GPATCH2: variants seen among roughly 807,000 people sequenced by gnomAD.
GPATCH2 encodes G-patch domain containing 2.
A neutral mutation model predicts 58.0 loss-of-function variants in GPATCH2; 51 were observed. That is an observed-to-expected ratio of 0.88 (90% CI 0.70 to 1.11). GPATCH2 has a LOEUF of 1.11. Ranked by LOEUF, GPATCH2 falls within the 50% of genes most tolerant of loss-of-function variation. The probability of loss-of-function intolerance (pLI) is 0.00; values close to 1 mark genes in which losing one functional copy is unlikely to be tolerated. For missense variants in GPATCH2, 625 were observed against 652.2 expected, an observed-to-expected ratio of 0.96 and a Z score of 0.45; for synonymous variants, 222 against 218.5, an observed-to-expected ratio of 1.02 and a Z score of -0.14.
intron 5 of GPATCH2, among the ~76,000 whole-genome samples, chr1:217,556,141 T>C (rs1208868862): frequency 6.6e-6 from 1 of 152,202 alleles, no homozygotes; most frequent in African/African-American, 2.4e-5. Flanking sequence ...AAAAAATACA[T>C]AAGAAAATCC....
intron 8 of GPATCH2, among the ~76,000 whole-genome samples, chr1:217,477,231 T>C (rs2102511709): frequency 6.6e-6 from 1 of 152,220 alleles, no homozygotes; most frequent in African/African-American, 2.4e-5. Flanking sequence ...CAAGCAGCGA[T>C]ACCTAGGTAC....
chr1:217,625,818 AC>A (rs1217477801), intron 1 of GPATCH2, among the ~76,000 whole-genome samples: 8 of 152,114 alleles, frequency 5.3e-5, no homozygotes, highest in East Asian at 3.9e-4. Flanking sequence ...CTCCATCTCT[AC>A]TAAAAAATAC....
chr1:217,528,072 G>A (rs542561023), intron 5 of GPATCH2, among the ~76,000 whole-genome samples: 3 of 152,284 alleles, frequency 2.0e-5, no homozygotes, highest in African/African-American at 7.2e-5. Context: ...AGGGGTGACT[G>A]TATGCATAAA....
At chr1:217,524,826 G>C (rs972566154) in intron 5 of GPATCH2, among the ~76,000 whole-genome samples, 3 of 113,866 alleles carry the variant, frequency 2.6e-5, no homozygotes, top group African/African-American at 6.2e-5. Flanking sequence ...GTCCAGCTTC[G>C]GCTTGGCATC....
At chr1:217,630,846 G>A (rs1669719417) in intron 1 of GPATCH2, 70 bp downstream of exon 1, 1 of 1,134,338 alleles carries the variant, frequency 8.8e-7, no homozygotes, top group Non-Finnish European at 1.3e-6. Flanking sequence ...TCCATTCCAG[G>A]TCCAGCGGAG....
intron 5 of GPATCH2, among the ~76,000 whole-genome samples, chr1:217,580,519 T>C (rs1558500723): frequency 6.6e-6 from 1 of 152,212 alleles, no homozygotes; most frequent in African/African-American, 2.4e-5. Context: ...TTTTCCCCGT[T>C]ATCTCAAAAT....
At chr1:217,570,639 A>G (rs1308639615) in intron 5 of GPATCH2, among the ~76,000 whole-genome samples, 1 of 152,208 alleles carries the variant, frequency 6.6e-6, no homozygotes, top group Admixed American at 6.5e-5. Flanking sequence ...AGACACCAAC[A>G]AACTAATAAC....
chr1:217,590,556 C>T (rs945470542), intron 5 of GPATCH2, among the ~76,000 whole-genome samples: 3 of 152,186 alleles, frequency 2.0e-5, no homozygotes, highest in African/African-American at 7.2e-5. Flanking sequence ...ATGATATACA[C>T]AAGGGAGGAG....
chr1:217,593,697 G>T (rs1169359812), intron 5 of GPATCH2, among the ~76,000 whole-genome samples: 2 of 151,950 alleles, frequency 1.3e-5, no homozygotes, highest in Middle Eastern at 6.3e-3. Context: ...TTCAAGAGTG[G>T]TAATCCATCA....
intron 8 of GPATCH2, among the ~76,000 whole-genome samples, chr1:217,480,002 A>G (rs1661144794): frequency 6.6e-6 from 1 of 152,168 alleles, no homozygotes; most frequent in African/African-American, 2.4e-5. Context: ...GAGGACCCAG[A>G]TATATAAAGC....
At chr1:217,617,156 A>T (rs1490656175) in intron 2 of GPATCH2, among the ~76,000 whole-genome samples, 1 of 152,240 alleles carries the variant, frequency 6.6e-6, no homozygotes, top group Non-Finnish European at 1.5e-5. Context: ...TATTTACCAT[A>T]GCAGATAGAC....
intron 5 of GPATCH2, among the ~76,000 whole-genome samples, chr1:217,594,104 A>G (rs1667711636): frequency 6.6e-6 from 1 of 152,128 alleles, no homozygotes; most frequent in African/African-American, 2.4e-5. Flanking sequence ...GTACGTGGCT[A>G]AGTGCTCCAT....
At chr1:217,453,531 T>C (rs1659774246) in intron 8 of GPATCH2, among the ~76,000 whole-genome samples, 2 of 152,262 alleles carry the variant, frequency 1.3e-5, no homozygotes, top group South Asian at 4.1e-4. Flanking sequence ...GAAGTCTTTT[T>C]GTTTTATTTT....
intron 5 of GPATCH2, among the ~76,000 whole-genome samples, chr1:217,544,182 G>A (rs1392341675): frequency 6.6e-6 from 1 of 152,142 alleles, no homozygotes; most frequent in African/African-American, 2.4e-5. Flanking sequence ...ATCACTCGAG[G>A]TCAAGAGTTC....
At chr1:217,513,302 A>G (rs1662947709) in intron 6 of GPATCH2, among the ~76,000 whole-genome samples, 1 of 152,184 alleles carries the variant, frequency 6.6e-6, no homozygotes, top group African/African-American at 2.4e-5. Context: ...AGGGAAAAAA[A>G]AAAAATTAGC....
Position 217,623,633 on chromosome 1 carries a change from G to A in GPATCH2, c.57-3134C>T, listed in dbSNP as rs1187268419. 2.6e-5 allele frequency among the ~76,000 whole-genome samples: 4 copies of A among 152,250 alleles called. No homozygotes were observed. The East Asian group carries it at 7.7e-4, about 29-fold the overall frequency. On this transcript the variant is annotated intron_variant, in intron 1 of 9. Coordinates refer to ENST00000366935, the MANE Select transcript of GPATCH2 (RefSeq NM_018040.5). ...AACTTATTTTTAGGCTGGGGGCGGT[G>A]GCTCACGCCTGTAATCCCAGCACTT...
intron 8 of GPATCH2, among the ~76,000 whole-genome samples, chr1:217,479,446 T>G (rs180799485): frequency 3.3e-5 from 5 of 152,260 alleles, no homozygotes; most frequent in Admixed American, 2.0e-4. Flanking sequence ...GTTATAATCT[T>G]AAAATAATGT....
intron 5 of GPATCH2, among the ~76,000 whole-genome samples, chr1:217,544,259 T>C (rs931010113): frequency 1.7e-4 from 26 of 152,020 alleles, no homozygotes; most frequent in Non-Finnish European, 3.5e-4. Flanking sequence ...CCGGATGTGG[T>C]GGTACAAGCC....
At chr1:217,455,920 A>G (rs1659921219) in intron 8 of GPATCH2, among the ~76,000 whole-genome samples, 1 of 151,998 alleles carries the variant, frequency 6.6e-6, no homozygotes, top group African/African-American at 2.4e-5. Flanking sequence ...GAAGAGAAGG[A>G]GCATCTGAAC....
Sources: gnomAD v4.1 joint callset for allele counts (sites outside exome capture counted in the v4.1 genomes callset) on GRCh38, gnomAD v4.1.1 for gene constraint, MANE v1.5 for transcripts, NCBI Gene and HGNC (gene_info 2026-07-23, HGNC 2026-07-21) for gene names.